FAM76B: variants seen among roughly 807,000 people sequenced by gnomAD.
FAM76B encodes protein FAM76B.
FAM76B carries 16 observed loss-of-function variants against 51.8 expected under a neutral mutation model. The ratio of observed to expected loss-of-function variants is 0.31; its 90% CI spans 0.21 to 0.47. The LOEUF is 0.47. Among genes scored for constraint, FAM76B ranks in the 20% least tolerant of loss-of-function variants. The pLI is 1.00. For synonymous variants in FAM76B, 166 were observed against 129.5 expected (o/e 1.28, Z -1.91); for missense variants, 342 against 392.6 (o/e 0.87, Z 1.09).
chr11:95,788,198 C>T (rs1365719394), intron 2 of FAM76B, among the ~76,000 whole-genome samples: 2 of 152,144 alleles, frequency 1.3e-5, no homozygotes, highest in South Asian at 2.1e-4. Context: ...TCCATTAAGG[C>T]TTTACCATTT....
Position 95,778,940 on chromosome 11 carries a change from G to A in FAM76B, c.710C>T (p.Ser237Leu), listed in dbSNP as rs774635263. The change falls in exon 8 of 10, where the codon TCA becomes TTA. Residue 237 changes from serine to leucine, a missense_variant. Physicochemically the swap from Ser to Leu is moderately radical, Grantham distance 145. This residue lies in a region of FAM76B where 230 missense variants were observed against 257.4 expected (regional missense o/e 0.89). Transcript: ENST00000358780. ...SNGDSSSINQ[S>L]ADSGGTDNFV... ...ATTGTCTGTTCCCCCACTATCTGCT[G>A]ACTGATTTATAGAGCTACTAAAAAG... 1.9e-6 allele frequency: 3 copies of A among 1,609,316 alleles called. No individual in the cohort carries two copies. The South Asian group carries it at 3.3e-5, about 18-fold the overall frequency.
intron 5 of FAM76B, among the ~76,000 whole-genome samples, chr11:95,781,517 T>C (rs1860267422): frequency 6.6e-6 from 1 of 152,144 alleles, no homozygotes. Flanking sequence ...AAAAATTAAG[T>C]TGCTGTCACA....
In FAM76B at chr11:95,770,894, A is replaced by G. The variant is rs1859735796; in HGVS notation, c.*667T>C. On this transcript the variant is annotated 3_prime_UTR_variant, in exon 10 of 10. Transcript: ENST00000358780. ...AGGTGGCAAAAAGGCACTTGTAAGT[A>G]AAAATCTACAGTAGTTTTTACAAAA... 1 of 151,818 alleles carries G rather than the reference A, an allele frequency of 6.6e-6. No individual in the cohort carries two copies. The highest frequency in any genetic ancestry group is 2.1e-4 in the South Asian group (1 of 4,832). The allele number at this position is 151,818 out of a possible 1,614,324, so 9.4% of individuals were successfully genotyped here. A position where few individuals can be genotyped will look rare whatever the true frequency, so the allele number is the denominator to read the frequency against.
In FAM76B at chr11:95,769,937, G is replaced by A. The variant is rs918677256; in HGVS notation, c.*1624C>T. ...TAATGAACTATGAGAACAGTCTATT[G>A]AAACACGTCATGTTAAAAAAAAATT... is the stretch of plus-strand genomic sequence containing the variant. On this transcript the variant is annotated 3_prime_UTR_variant, in exon 10 of 10. Transcript: ENST00000358780. 6.6e-6 allele frequency: 1 copy of A among 151,404 alleles called. No individual in the cohort carries two copies. Among genetic ancestry groups the A allele is most frequent in the Admixed American group, 6.6e-5 (1 of 15,168 alleles). 9.4% of individuals were successfully genotyped at this position (151,404 alleles called of 1,614,324 possible). A position where few individuals can be genotyped will look rare whatever the true frequency, so the allele number is the denominator to read the frequency against.
At chr11:95,779,766 A>C (rs922105512) in intron 6 of FAM76B, 79 bp from the exon 7 acceptor site, 4 of 1,565,640 alleles carry the variant, frequency 2.6e-6, no homozygotes, top group Non-Finnish European at 2.6e-6. Flanking sequence ...TCTTCCCCTA[A>C]AATATTACTG....
intron 8 of FAM76B, among the ~76,000 whole-genome samples, chr11:95,777,999 C>A (rs139919492): frequency 6.6e-6 from 1 of 151,426 alleles, no homozygotes; most frequent in Admixed American, 6.6e-5. Flanking sequence ...AAATACTTTG[C>A]ATTTTCATTA....
intron 5 of FAM76B, among the ~76,000 whole-genome samples, chr11:95,781,819 A>C (rs929051774): frequency 6.6e-6 from 1 of 151,610 alleles, no homozygotes; most frequent in Non-Finnish European, 1.5e-5. Flanking sequence ...TGCCACATTT[A>C]GAAAACACTA....
In FAM76B at chr11:95,771,620, C is replaced by T; in HGVS notation, c.961G>A (p.Ala321Thr). The T allele has an allele frequency of 6.2e-7, 1 of 1,606,936 alleles. No individual in the cohort carries two copies. The highest frequency in any genetic ancestry group is 8.5e-7 in the Non-Finnish European group (1 of 1,174,964). ...AKNRELLKQVAALSKGKKFDK... is the reference protein window; with the variant it reads ...AKNRELLKQVTALSKGKKFDK... ...AATTTTTTACCCTTTGATAATGCTGCGACCTGTTTGAGTAGTTCTCTGTTT... is the reference window on the plus strand; with the variant it reads ...AATTTTTTACCCTTTGATAATGCTGTGACCTGTTTGAGTAGTTCTCTGTTT... Residue 321 changes from alanine to threonine, a missense_variant, in exon 10 of 10, where the codon GCA (alanine) becomes ACA (threonine). Transcript: ENST00000358780.
intron 4 of FAM76B, among the ~76,000 whole-genome samples, chr11:95,784,341 G>C (rs1458631586): frequency 4.6e-5 from 7 of 152,064 alleles, no homozygotes; most frequent in Non-Finnish European, 1.0e-4. Context: ...ATAGGTATTA[G>C]GGTTAATACC....
rs765079657 is a variant in FAM76B, at chr11:95,769,900, G to C, written c.*1661C>G. On this transcript the variant is annotated 3_prime_UTR_variant, in exon 10 of 10. Coordinates refer to ENST00000358780, the MANE Select transcript of FAM76B (RefSeq NM_144664.5). Reference sequence around the variant, plus strand: ...TTCAAAATGGACAAAGAATTATTTGGTATTCACTTTATAATGAACTATGAG... The same window carrying C: ...TTCAAAATGGACAAAGAATTATTTGCTATTCACTTTATAATGAACTATGAG... The C allele has an allele frequency of 1.5e-4, 22 of 151,224 alleles. No individual in the cohort carries two copies. The highest frequency in any genetic ancestry group is 2.8e-4 in the Non-Finnish European group (19 of 67,502). 9.4% of individuals were successfully genotyped at this position (151,224 alleles called of 1,614,324 possible).
At chr11:95,779,236 T>A (rs1860145275) in intron 7 of FAM76B, 1 of 1,043,186 alleles carries the variant, frequency 9.6e-7, no homozygotes, top group East Asian at 2.9e-5. Context: ...AACTTTTGGC[T>A]AATGAACTAA....
chr11:95,785,972 C>T (rs1206944290), intron 4 of FAM76B, 147 bp downstream of exon 4: 16 of 903,070 alleles, frequency 1.8e-5, no homozygotes, highest in Non-Finnish European at 2.1e-5. Flanking sequence ...AAAGAGAAAA[C>T]TCACTATTCC....
Position 95,783,053 on chromosome 11 carries a change from CA to C in FAM76B, c.563+11del, listed in dbSNP as rs1450176759. 3.1e-6 allele frequency: 5 copies of C among 1,610,952 alleles called. No individual in the cohort carries two copies. The African/African-American group carries it at 4.0e-5, about 13-fold the overall frequency. ...GGAAGAGTTTTAGAAAATATGATTTCAAAGTACTTACTTGTGATGGCTACTG... is the reference window on the plus strand; with the variant it reads ...GGAAGAGTTTTAGAAAATATGATTTCAAGTACTTACTTGTGATGGCTACTG... On this transcript the variant is annotated intron_variant, in intron 5 of 9. Transcript: ENST00000358780.
Position 95,789,376 on chromosome 11 carries a change from C to T in FAM76B, c.87+16G>A. ...CCGAGGACACCCATCCCGCCCGCCT[C>T]CCGGAGCCCACGGACCTTGCAGAGC... is the stretch of plus-strand genomic sequence containing the variant. On this transcript the variant is annotated intron_variant, in intron 1 of 9. Coordinates refer to ENST00000358780, the MANE Select transcript of FAM76B (RefSeq NM_144664.5). 2 of 1,582,946 alleles carry T rather than the reference C, an allele frequency of 1.3e-6. No individual in the cohort carries two copies. The highest frequency in any genetic ancestry group is 8.6e-7 in the Non-Finnish European group (1 of 1,165,242).
At chr11:95,788,248 T>G (rs951400216) in intron 2 of FAM76B, among the ~76,000 whole-genome samples, 1 of 152,224 alleles carries the variant, frequency 6.6e-6, no homozygotes, top group Non-Finnish European at 1.5e-5. Context: ...TGCATTTTCA[T>G]TAGCAAGGCT....
chr11:95,788,378 A>C, intron 2 of FAM76B, 121 bp downstream of exon 2: 1 of 817,674 alleles, frequency 1.2e-6, no homozygotes. Context: ...TACAACTTAA[A>C]ATTTCTGGGG....
At chr11:95,781,627 T>C (rs901692893) in intron 5 of FAM76B, among the ~76,000 whole-genome samples, 3 of 152,158 alleles carry the variant, frequency 2.0e-5, no homozygotes, top group Admixed American at 2.0e-4. Flanking sequence ...TTTGGGAGTC[T>C]TAGAAGTAGG....
At chr11:95,784,319 G>GA (rs1251364705) in intron 4 of FAM76B, among the ~76,000 whole-genome samples, 1 of 151,942 alleles carries the variant, frequency 6.6e-6, no homozygotes, top group Non-Finnish European at 1.5e-5. Flanking sequence ...AAAGAATCAG[G>GA]AAAAATAACT....
chr11:95,788,601 A>C lies in FAM76B; in HGVS notation c.88-38T>G, dbSNP rs143012059. The C allele has an allele frequency of 5.7e-5, 90 of 1,571,492 alleles. No homozygotes were observed. The African/African-American group carries it at 1.1e-3, about 20-fold the overall frequency. ...AATACATTAGTCAGTATCTTTCTGA[A>C]AGTCCCAAATCTCACTTTTCTGGTA... On this transcript the variant is annotated intron_variant, in intron 1 of 9. Transcript: ENST00000358780.
Sources: allele counts gnomAD v4.1 joint callset (sites outside exome capture counted in the v4.1 genomes callset), GRCh38; gene constraint gnomAD v4.1.1; regional missense constraint gnomAD v4.1.1; transcripts MANE v1.5; gene names NCBI Gene and HGNC (gene_info 2026-07-23, HGNC 2026-07-21).